The following NLRP4 variants were observed in gnomAD, a reference collection of about 807,000 sequenced individuals.
NLRP4 encodes the protein NLR family pyrin domain containing 4.
NLRP4 carries 44 observed loss-of-function variants against 84.7 expected under a neutral mutation model. The ratio of observed to expected loss-of-function variants is 0.52; its 90% confidence interval spans 0.41 to 0.67. The LOEUF (loss-of-function observed/expected upper bound fraction) is 0.67. NLRP4 is among the 30% of genes least tolerant of loss of function. The pLI, the probability that NLRP4 is intolerant of heterozygous loss-of-function variation, is 0.00. For missense variants in NLRP4, 1,260 were observed against 1,219.4 expected (o/e 1.03, Z -0.50); for synonymous variants, 544 against 476.4 (o/e 1.14, Z -1.85).
intron 2 of NLRP4, among the ~76,000 whole-genome samples, chr19:55,857,190 C>T (rs948016736): frequency 3.9e-5 from 6 of 152,098 alleles, no homozygotes; most frequent in Non-Finnish European, 7.3e-5. Context: ...TTGCTATCAT[C>T]GTAGCAATGA....
chr19:55,872,610 GAA>G (rs914652044), intron 7 of NLRP4, among the ~76,000 whole-genome samples: 5 of 151,940 alleles, frequency 3.3e-5, no homozygotes, highest in Non-Finnish European at 7.4e-5. Flanking sequence ...CATAATTAAA[GAA>G]AAAATTAGTA....
chr19:55,844,988 G>A (rs926088089), intron 1 of NLRP4, among the ~76,000 whole-genome samples: 3 of 151,990 alleles, frequency 2.0e-5, no homozygotes, highest in South Asian at 2.1e-4. Flanking sequence ...TCCCAGAGCC[G>A]GAGGTATTAA....
intron 1 of NLRP4, among the ~76,000 whole-genome samples, chr19:55,848,352 C>A (rs1011194449): frequency 2.0e-5 from 3 of 151,190 alleles, no homozygotes; most frequent in African/African-American, 4.9e-5. Context: ...TGAAGTTAAT[C>A]CCTACCCCTT....
Position 55,858,237 on chromosome 19 carries a change from G to C in NLRP4, c.844G>C (p.Val282Leu), listed in dbSNP as rs745787067. Residue 282 changes from valine (V) to leucine (L), a missense_variant, in exon 3 of 10, where the codon GTG becomes CTG. This residue lies in a region of NLRP4 where 712 missense variants were observed against 669.2 expected (regional missense o/e 1.06). Transcript: ENST00000301295. The surrounding 1 kb of genome is among the most constrained non-coding windows in gnomAD (Gnocchi z 4.2). ...EASLLIAIKP[V>L]CPKELRDQVT... ...CTCCCTGCTCATCGCTATCAAACCC[G>C]TGTGCCCGAAGGAGCTCCGGGATCA... 9.3e-6 allele frequency: 15 copies of C among 1,614,000 alleles called. No homozygotes were observed. Among genetic ancestry groups the C allele is most frequent in the Non-Finnish European group, 1.3e-5 (15 of 1,180,030 alleles).
intron 1 of NLRP4, among the ~76,000 whole-genome samples, chr19:55,849,379 T>TC (rs1236657062): frequency 6.6e-6 from 1 of 152,288 alleles, no homozygotes; most frequent in East Asian, 1.9e-4. Flanking sequence ...AGACTATACT[T>TC]CCAGGGATCA....
At chr19:55,870,719 G>T in intron 6 of NLRP4, 108 bp from the exon 7 acceptor site, 3 of 733,722 alleles carry the variant, frequency 4.1e-6, no homozygotes, top group East Asian at 2.6e-5. Flanking sequence ...ATCTCAGCTG[G>T]GGAGTTTGTA....
chr19:55,879,116 A>G lies in NLRP4; in HGVS notation c.2867+152A>G, dbSNP rs906598635. ...AGGAGTAAGAACCAAGCAGGTGAGT[A>G]TAAAACTCTTACCACAGTAAGTGGT... On this transcript the variant is annotated intron_variant, in intron 9 of 9. Coordinates refer to ENST00000301295, the MANE Select transcript of NLRP4 (RefSeq NM_134444.5). 2.4e-5 allele frequency: 14 copies of G among 591,876 alleles called. No homozygotes were observed. In the South Asian group the frequency reaches 2.9e-4, roughly 12 times the overall value. The allele number at this position is 591,876 out of a possible 1,614,324, so 36.7% of individuals were successfully genotyped here.
intron 8 of NLRP4, among the ~76,000 whole-genome samples, chr19:55,878,428 A>C (rs900352862): frequency 6.6e-6 from 1 of 152,218 alleles, no homozygotes; most frequent in Non-Finnish European, 1.5e-5. Flanking sequence ...AAGAAGAAAA[A>C]CACCCAAAAT....
intron 2 of NLRP4, 103 bp downstream of exon 2, chr19:55,852,463 G>A: frequency 1.4e-6 from 1 of 701,002 alleles, no homozygotes; most frequent in Non-Finnish European, 2.4e-6. Context: ...AATGTGCTAT[G>A]GGAAAATATT....
At chr19:55,862,215 A>G (rs1403445577) in intron 5 of NLRP4, 56 bp downstream of exon 5, 2 of 979,466 alleles carry the variant, frequency 2.0e-6, no homozygotes, top group Non-Finnish European at 3.1e-6. Flanking sequence ...CTATAGCCTA[A>G]GTCTCCGTTT....
At position 55,878,863 on chromosome 19, in the gene NLRP4, C is replaced by T. The variant is rs764010310; in HGVS notation, c.2766C>T (p.Thr922=). The change falls in exon 9 of 10, where the codon ACC becomes ACT. Residue 922 remains threonine, a synonymous_variant. Coordinates refer to ENST00000301295, the MANE Select transcript of NLRP4 (RefSeq NM_134444.5). ...DLASVLTCSK[T]LQQLNLTLNT... ...CGTCTGTTCTCACCTGCAGTAAGAC[C>T]CTGCAGCAGCTCAACCTGACCTTGA... 2.5e-6 allele frequency: 4 copies of T among 1,613,320 alleles called. No homozygotes were observed. The highest frequency in any genetic ancestry group is 1.3e-5 in the African/African-American group (1 of 75,000).
chr19:55,867,513 A>G (rs1235526576), intron 5 of NLRP4, among the ~76,000 whole-genome samples, 196 bp from the exon 6 acceptor site: 1 of 152,000 alleles, frequency 6.6e-6, no homozygotes, highest in African/African-American at 2.4e-5. Flanking sequence ...GCATGCATAT[A>G]ACTGAGACTG....
chr19:55,854,590 T>G (rs534751373), intron 2 of NLRP4, among the ~76,000 whole-genome samples: 1 of 152,332 alleles, frequency 6.6e-6, no homozygotes, highest in East Asian at 1.9e-4. Context: ...CAGGGAAATT[T>G]CCTTAATATT....
chr19:55,863,590 A>AC (rs1984844190), intron 5 of NLRP4, among the ~76,000 whole-genome samples: 1 of 151,746 alleles, frequency 6.6e-6, no homozygotes, highest in Non-Finnish European at 1.5e-5. Flanking sequence ...TGATTCCGTC[A>AC]CCCCCCAGGC....
chr19:55,872,214 G>T (rs1353300146), intron 7 of NLRP4, among the ~76,000 whole-genome samples: 1 of 152,016 alleles, frequency 6.6e-6, no homozygotes, highest in African/African-American at 2.4e-5. Flanking sequence ...AACTCCTTAA[G>T]ACGTATTAAA....
rs573592082 is a variant in NLRP4 at position 55,847,480 on chromosome 19, C to G, written c.-65-4536C>G. Among the ~76,000 whole-genome samples, 151 of 152,136 alleles carry G rather than the reference C, an allele frequency of 9.9e-4. 2 individuals are homozygous for G. The highest frequency in any genetic ancestry group is 3.3e-3 in the African/African-American group (138 of 41,504). On this transcript the variant is annotated intron_variant, in intron 1 of 9. Transcript: ENST00000301295. ...ATAAAATGTGTTGATTTTTATATATCTAATATGAATAACTATTTGCCCTAT... is the reference window on the plus strand; with the variant it reads ...ATAAAATGTGTTGATTTTTATATATGTAATATGAATAACTATTTGCCCTAT...
At position 55,858,797 on chromosome 19, in the gene NLRP4, C is replaced by T. The variant is rs368640921; in HGVS notation, c.1404C>T (p.Ser468=). The change falls in exon 3 of 10, where the codon AGC becomes AGT. Residue 468 remains serine, a synonymous_variant. Transcript: ENST00000301295. The surrounding 1 kb of genome is among the most constrained non-coding windows in gnomAD (Gnocchi z 4.2). ...FCAALFYLLK[S]HLDHPHPAVR... The stretch of plus-strand genomic sequence containing the variant: ...CCGCCTTGTTCTATTTGCTCAAGAG[C>T]CACCTTGATCATCCTCACCCAGCTG... The T allele has an allele frequency of 1.2e-4, 193 of 1,614,020 alleles. 1 individual carries two copies. Among genetic ancestry groups the T allele is most frequent in the Middle Eastern group, 5.0e-4 (3 of 6,058 alleles).
chr19:55,846,882 T>G (rs1220258199), intron 1 of NLRP4, among the ~76,000 whole-genome samples: 1 of 152,166 alleles, frequency 6.6e-6, no homozygotes, highest in African/African-American at 2.4e-5. Flanking sequence ...CATCATCATA[T>G]TCTCATTCCG....
At chr19:55,873,997 C>T (rs944899237) in intron 7 of NLRP4, among the ~76,000 whole-genome samples, 1 of 151,526 alleles carries the variant, frequency 6.6e-6, no homozygotes, top group African/African-American at 2.4e-5. Context: ...AATAAACCCC[C>T]TAAAGGATGG....
Sources: allele counts gnomAD v4.1 joint callset (sites outside exome capture counted in the v4.1 genomes callset), GRCh38; gene constraint gnomAD v4.1.1; regional missense constraint gnomAD v4.1.1; non-coding constraint Gnocchi (gnomAD v3.1); transcripts MANE v1.5; gene names NCBI Gene and HGNC (gene_info 2026-07-23, HGNC 2026-07-21).